Variants in USP12 observed in about 807,000 individuals in gnomAD.
USP12 encodes the protein ubiquitin carboxyl-terminal hydrolase 12.
USP12 carries 19 observed loss-of-function variants against 45.5 expected under a neutral mutation model. The observed-to-expected ratio is 0.42, with a 90% CI of 0.29 to 0.61. USP12 has a LOEUF of 0.61. Ranked by LOEUF, USP12 falls within the 20% of genes least tolerant of loss-of-function variation. The pLI is 0.22. For synonymous variants in USP12, 149 were observed against 148.8 expected, an observed-to-expected ratio of 1.00 and a Z score of -0.01; for missense variants, 242 against 447.7, an observed-to-expected ratio of 0.54 and a Z score of 4.15.
At chr13:27,104,242 G>A (rs1875021547) in intron 3 of USP12, among the ~76,000 whole-genome samples, 1 of 152,106 alleles carries the variant, frequency 6.6e-6, no homozygotes, top group South Asian at 2.1e-4. Context: ...TGCTGCTGAG[G>A]CTAGTCTCAA....
intron 1 of USP12, among the ~76,000 whole-genome samples, chr13:27,153,768 A>ACAC (rs1877690777): frequency 6.6e-6 from 1 of 152,104 alleles, no homozygotes. Context: ...CATAGCCCAT[A>ACAC]CACCAATATT....
chr13:27,117,769 A>G (rs1302628509), intron 1 of USP12: 1 of 518,218 alleles, frequency 1.9e-6, no homozygotes, highest in Non-Finnish European at 3.8e-6. Context: ...AGGACCTCGC[A>G]CAGACAATCA....
intron 1 of USP12, among the ~76,000 whole-genome samples, chr13:27,163,768 T>TAAAAAAAAAAAAAAAAAAAAA (rs34384911): frequency 7.2e-5 from 6 of 83,290 alleles, no homozygotes; most frequent in Non-Finnish European, 1.4e-4. Flanking sequence ...AGACCTGTCT[T>TAAAAAAAAAAAAAAAAAAAAA]AAAAAAAAAA....
chr13:27,149,641 A>G lies in USP12; in HGVS notation c.48+21951T>C, dbSNP rs576980045. Among the ~76,000 whole-genome samples the G allele has an allele frequency of 2.6e-5, 4 of 152,300 alleles. No homozygotes were observed. In the South Asian group the frequency reaches 8.3e-4, roughly 32 times the overall value. On this transcript the variant is annotated intron_variant, in intron 1 of 8. Coordinates refer to ENST00000282344, the MANE Select transcript of USP12 (RefSeq NM_182488.4). ...TGCAGATGTGGGGGGTGGGAGGAGTAGCCAAGGGGTGGTTAATGAATACAA... is the reference window on the plus strand; with the variant it reads ...TGCAGATGTGGGGGGTGGGAGGAGTGGCCAAGGGGTGGTTAATGAATACAA...
intron 1 of USP12, among the ~76,000 whole-genome samples, chr13:27,155,001 C>T (rs1360895171): frequency 6.7e-6 from 1 of 148,924 alleles, no homozygotes; most frequent in Non-Finnish European, 1.5e-5. Context: ...GGAAAGAACA[C>T]AGCCCAGCCA....
Position 27,131,971 on chromosome 13 carries a change from T to C in USP12, c.49-15375A>G, listed in dbSNP as rs1363650073. ...TCTCCTTCCACAGGCCACCTCCTAA[T>C]TTTTATTACGTGTCACTGGGTAGAG... is the stretch of plus-strand genomic sequence containing the variant. On this transcript the variant is annotated intron_variant, in intron 1 of 8. Transcript: ENST00000282344. 2.0e-5 allele frequency among the ~76,000 whole-genome samples: 3 copies of C among 152,224 alleles called. No individual in the cohort carries two copies. The East Asian group carries it at 5.8e-4, about 29-fold the overall frequency.
intron 1 of USP12, among the ~76,000 whole-genome samples, chr13:27,116,879 T>C (rs116921729): frequency 0.041 from 6,288 of 152,286 alleles, 160 homozygotes; most frequent in Admixed American, 0.075. Flanking sequence ...CCATCTAGCC[T>C]AGGTGTGCAG....
intron 1 of USP12, among the ~76,000 whole-genome samples, chr13:27,159,506 G>A (rs1294240042): frequency 2.0e-5 from 3 of 152,122 alleles, no homozygotes; most frequent in African/African-American, 4.8e-5. Context: ...ATTCAATCCA[G>A]CCTTCTCTAT....
At chr13:27,075,767 C>T (rs965885522) in intron 6 of USP12, among the ~76,000 whole-genome samples, 4 of 152,008 alleles carry the variant, frequency 2.6e-5, no homozygotes, top group East Asian at 1.9e-4. Flanking sequence ...CGGTGGCTCA[C>T]GCCTGTAATC....
chr13:27,142,930 T>C (rs528268145), intron 1 of USP12, among the ~76,000 whole-genome samples: 1 of 151,996 alleles, frequency 6.6e-6, no homozygotes, highest in African/African-American at 2.4e-5. Context: ...CCATCTCTAC[T>C]AAAAACACAA....
Position 27,086,181 on chromosome 13 carries a change from A to T in USP12, c.734+3702T>A, listed in dbSNP as rs1439070548. The stretch of plus-strand genomic sequence containing the variant: ...AGAGATCTTTTGTCTCTTTAAAAAA[A>T]AAAAAAAAAAAAAAAAATATATATA... On this transcript the variant is annotated intron_variant, in intron 6 of 8. Transcript: ENST00000282344. Among the ~76,000 whole-genome samples, 157 of 29,440 alleles carry T rather than the reference A, an allele frequency of 5.3e-3. 1 individual carries two copies. The highest frequency in any genetic ancestry group is 8.7e-3 in the Non-Finnish European group (137 of 15,742). 19.3% of individuals were successfully genotyped at this position (29,440 alleles called of 152,430 possible).
chr13:27,115,095 TATA>T (rs150724108), intron 2 of USP12, among the ~76,000 whole-genome samples: 1,717 of 152,294 alleles, frequency 0.011, 40 homozygotes, highest in African/African-American at 0.039. Flanking sequence ...TAATTTTATA[TATA>T]ATAACAAGAC....
intron 1 of USP12, among the ~76,000 whole-genome samples, chr13:27,138,167 G>A (rs766012956): frequency 6.6e-6 from 1 of 152,214 alleles, no homozygotes; most frequent in East Asian, 1.9e-4. Context: ...CACTTCAGCT[G>A]CTCAATTTGT....
At chr13:27,093,110 C>T (rs1027776051) in intron 4 of USP12, among the ~76,000 whole-genome samples, 1 of 151,744 alleles carries the variant, frequency 6.6e-6, no homozygotes, top group African/African-American at 2.4e-5. Flanking sequence ...ACAAGAGAAC[C>T]ACTTGAACCC....
At chr13:27,127,552 T>C (rs909389972) in intron 1 of USP12, among the ~76,000 whole-genome samples, 4 of 152,144 alleles carry the variant, frequency 2.6e-5, no homozygotes, top group African/African-American at 9.7e-5. Flanking sequence ...AGAGAAACAA[T>C]ATAATTTTGC....
intron 1 of USP12, among the ~76,000 whole-genome samples, chr13:27,122,405 T>A (rs1240299987): frequency 6.6e-6 from 1 of 152,156 alleles, no homozygotes; most frequent in Non-Finnish European, 1.5e-5. Context: ...GAACTGTAAG[T>A]CCAACTAAAA....
intron 3 of USP12, 41 bp from the exon 4 acceptor site, chr13:27,095,871 T>C (rs1354573649): frequency 6.9e-7 from 1 of 1,447,468 alleles, no homozygotes; most frequent in African/African-American, 1.4e-5. Flanking sequence ...ATTTCAGAAT[T>C]CATAACTTCA....
chr13:27,137,431 A>G (rs926607586), intron 1 of USP12, among the ~76,000 whole-genome samples: 6 of 152,200 alleles, frequency 3.9e-5, no homozygotes, highest in African/African-American at 1.2e-4. Flanking sequence ...TATTATAGAA[A>G]TGGATATGCT....
chr13:27,117,211 C>T (rs1875785957), intron 1 of USP12, among the ~76,000 whole-genome samples: 1 of 152,164 alleles, frequency 6.6e-6, no homozygotes, highest in South Asian at 2.1e-4. Context: ...CAAGGAATTA[C>T]ATTCATAACA....
Sources: allele counts gnomAD v4.1 joint callset (sites outside exome capture counted in the v4.1 genomes callset), GRCh38; gene constraint gnomAD v4.1.1; transcripts MANE v1.5; gene names NCBI Gene and HGNC (gene_info 2026-07-23, HGNC 2026-07-21).